Variants in THOP1 observed in about 807,000 individuals in gnomAD.
The protein encoded by THOP1 is thimet oligopeptidase 1.
Under a neutral mutation model 71.8 loss-of-function variants are expected in THOP1, and 49 were observed. The ratio of observed to expected loss-of-function variants is 0.68; its 90% confidence interval spans 0.54 to 0.87. The LOEUF is 0.87. THOP1 is among the 40% of genes least tolerant of loss of function. The pLI is 0.00. For missense variants in THOP1, 843 were observed against 975.6 expected (o/e 0.86, Z 1.81); for synonymous variants, 426 against 421.5 (o/e 1.01, Z -0.13).
In THOP1 at chr19:2,815,182, T is replaced by A. The variant is rs1409001112; in HGVS notation, c.*1906T>A. The A allele has an allele frequency of 6.6e-6, 1 of 152,214 alleles. No individual in the cohort carries two copies. Among genetic ancestry groups the A allele is most frequent in the Admixed American group, 6.5e-5 (1 of 15,274 alleles). The allele number at this position is 152,214 out of a possible 1,614,324, so 9.4% of individuals were successfully genotyped here. A position where few individuals can be genotyped will look rare whatever the true frequency, so the allele number is the denominator to read the frequency against. ...CCTCATCTTCCCCTGCCCCGAGCCC[T>A]CAGGTGGCCTCCACCTGGTCCCCAG... On this transcript the variant is annotated 3_prime_UTR_variant, in exon 13 of 13. Transcript: ENST00000307741.
chr19:2,811,551 C>T, intron 11 of THOP1, 47 bp from the exon 12 acceptor site: 1 of 1,578,950 alleles, frequency 6.3e-7, no homozygotes, highest in Non-Finnish European at 8.6e-7. Flanking sequence ...GGAGGAGGAG[C>T]ATGGGGTGGG....
At position 2,807,595 on chromosome 19, in the gene THOP1, C is replaced by T. The variant is rs147544038; in HGVS notation, c.1040C>T (p.Thr347Met). ...TACTACATGAACCAGGTGGAGGAGACGCGCTACTGCGTGGACCAGAACCTG... is the reference window on the plus strand; with the variant it reads ...TACTACATGAACCAGGTGGAGGAGATGCGCTACTGCGTGGACCAGAACCTG... ...MRYYMNQVEE[T>M]RYCVDQNLLK... The change falls in exon 8 of 13, where the codon ACG (threonine) becomes ATG (methionine). Residue 347 changes from threonine to methionine, a missense_variant. Thr to Met is a moderately conservative substitution (Grantham distance 81). Coordinates refer to ENST00000307741, the MANE Select transcript of THOP1 (RefSeq NM_003249.5). 6.8e-6 allele frequency: 11 copies of T among 1,612,510 alleles called. No individual in the cohort carries two copies. Among genetic ancestry groups the T allele is most frequent in the Middle Eastern group, 3.3e-4 (2 of 6,076 alleles).
chr19:2,795,372 TC>T (rs551971601), intron 3 of THOP1, among the ~76,000 whole-genome samples: 53 of 152,316 alleles, frequency 3.5e-4, no homozygotes, highest in African/African-American at 1.2e-3. Flanking sequence ...GGGCTCCTGC[TC>T]CCCCGGATGC....
Position 2,800,846 on chromosome 19 carries a change from G to T in THOP1, c.589+1055G>T, listed in dbSNP as rs1036072429. Among the ~76,000 whole-genome samples, 203 of 151,868 alleles carry T rather than the reference G, an allele frequency of 1.3e-3. 1 individual carries two copies. The highest frequency in any genetic ancestry group is 4.5e-3 in the African/African-American group (187 of 41,384). ...TTCCCGCAGCCACCCACGCCATCCCGCGGCCACCCGCACCGTCCCCGCGGC... is the reference window on the plus strand; with the variant it reads ...TTCCCGCAGCCACCCACGCCATCCCTCGGCCACCCGCACCGTCCCCGCGGC... On this transcript the variant is annotated intron_variant, in intron 5 of 12. Coordinates refer to ENST00000307741, the MANE Select transcript of THOP1 (RefSeq NM_003249.5).
intron 4 of THOP1, among the ~76,000 whole-genome samples, chr19:2,797,850 G>A (rs1386222532): frequency 6.6e-6 from 1 of 152,136 alleles, no homozygotes; most frequent in Non-Finnish European, 1.5e-5. Context: ...CGCTGTCCTG[G>A]TTAGGGGGCG....
Position 2,804,956 on chromosome 19 carries a change from C to A in THOP1, c.590-60C>A. The A allele has an allele frequency of 6.5e-7, 1 of 1,527,282 alleles. No individual in the cohort carries two copies. Among genetic ancestry groups the A allele is most frequent in the Non-Finnish European group, 8.8e-7 (1 of 1,130,794 alleles). The allele number at this position is 1,527,282 out of a possible 1,614,324, so 94.6% of individuals were successfully genotyped here. On this transcript the variant is annotated intron_variant, in intron 5 of 12. Coordinates refer to ENST00000307741, the MANE Select transcript of THOP1 (RefSeq NM_003249.5). This position sits in a 1 kb window ranked among gnomAD's most constrained non-coding sequence, Gnocchi z 4.7. ...GGAAGCCCACCCCTTCCCTCACACGCTGTGTGCAGGCTGTGGGCCCATCAG... is the reference window on the plus strand; with the variant it reads ...GGAAGCCCACCCCTTCCCTCACACGATGTGTGCAGGCTGTGGGCCCATCAG...
At chr19:2,789,653 T>C (rs1008290015) in intron 1 of THOP1, among the ~76,000 whole-genome samples, 1 of 152,176 alleles carries the variant, frequency 6.6e-6, no homozygotes, top group South Asian at 2.1e-4. Context: ...TGGCAGGAGT[T>C]GAGCAGTGCG....
At chr19:2,799,267 G>C (rs573257532) in intron 4 of THOP1, among the ~76,000 whole-genome samples, 4 of 152,238 alleles carry the variant, frequency 2.6e-5, no homozygotes, top group Non-Finnish European at 5.9e-5. Flanking sequence ...TGAGGCTGCA[G>C]TGAGTCGAGA....
chr19:2,797,081 A>G (rs986327740), intron 4 of THOP1, among the ~76,000 whole-genome samples: 13 of 152,138 alleles, frequency 8.5e-5, no homozygotes, highest in Admixed American at 8.5e-4. Context: ...TGGCTGGGTC[A>G]GGAGGTGTGC....
rs2144776198 is a variant in THOP1 at position 2,805,243 on chromosome 19, T to C, written c.750+67T>C. 2.0e-6 allele frequency: 3 copies of C among 1,517,504 alleles called. No individual in the cohort carries two copies. Among genetic ancestry groups the C allele is most frequent in the East Asian group, 2.3e-5 (1 of 42,930 alleles). The allele number at this position is 1,517,504 out of a possible 1,614,324, so 94.0% of individuals were successfully genotyped here. ...GAGCTTGTGGGGCCCGTCTGCTCCA[T>C]GTGTGTGAGGCACCTCCAGGCTTTG... is the stretch of plus-strand genomic sequence containing the variant. On this transcript the variant is annotated intron_variant, in intron 6 of 12. Transcript: ENST00000307741. The surrounding 1 kb of genome is among the most constrained non-coding windows in gnomAD (Gnocchi z 6.6).
intron 2 of THOP1, among the ~76,000 whole-genome samples, chr19:2,791,655 G>A (rs59303624): frequency 0.057 from 8,644 of 152,222 alleles, 790 homozygotes; most frequent in African/African-American, 0.2. Context: ...TGTCCCTCCC[G>A]TAGGAGTCTC....
intron 4 of THOP1, among the ~76,000 whole-genome samples, chr19:2,799,351 C>T (rs1916089257): frequency 6.6e-6 from 1 of 152,154 alleles, no homozygotes; most frequent in Admixed American, 6.5e-5. Context: ...GCTTAGGCTG[C>T]AGGCTCTGAA....
In THOP1 at chr19:2,804,955, G is replaced by A. The variant is rs559149844; in HGVS notation, c.590-61G>A. 8 of 1,524,072 alleles carry A rather than the reference G, an allele frequency of 5.2e-6. No individual in the cohort carries two copies. The highest frequency in any genetic ancestry group is 4.7e-5 in the East Asian group (2 of 42,118). 94.4% of individuals were successfully genotyped at this position (1,524,072 alleles called of 1,614,324 possible). A position where few individuals can be genotyped will look rare whatever the true frequency, so the allele number is the denominator to read the frequency against. On this transcript the variant is annotated intron_variant, in intron 5 of 12. Coordinates refer to ENST00000307741, the MANE Select transcript of THOP1 (RefSeq NM_003249.5). This position sits in a 1 kb window ranked among gnomAD's most constrained non-coding sequence, Gnocchi z 4.7. Reference sequence around the variant, plus strand: ...GGGAAGCCCACCCCTTCCCTCACACGCTGTGTGCAGGCTGTGGGCCCATCA... The same window carrying A: ...GGGAAGCCCACCCCTTCCCTCACACACTGTGTGCAGGCTGTGGGCCCATCA...
chr19:2,809,429 A>G (rs912019558), intron 9 of THOP1: 2 of 152,252 alleles, frequency 1.3e-5, no homozygotes, highest in African/African-American at 4.8e-5. Context: ...AGACTGAGAA[A>G]AGGACGCTTG....
At chr19:2,793,216 T>C (rs1915925482) in intron 2 of THOP1, among the ~76,000 whole-genome samples, 1 of 152,020 alleles carries the variant, frequency 6.6e-6, no homozygotes, top group African/African-American at 2.4e-5. Flanking sequence ...TTCAGTGGTT[T>C]TTAATAAATT....
intron 9 of THOP1, 50 bp from the exon 10 acceptor site, chr19:2,810,254 A>T (rs1423026134): frequency 6.3e-7 from 1 of 1,583,664 alleles, no homozygotes. Context: ...GCCGGCGGGA[A>T]CGGGCTAGGC....
intron 1 of THOP1, among the ~76,000 whole-genome samples, chr19:2,790,082 T>G (rs1023304773): frequency 3.9e-5 from 6 of 152,118 alleles, no homozygotes; most frequent in African/African-American, 1.4e-4. Flanking sequence ...AGCAGTATCA[T>G]CTCTATTCCG....
intron 5 of THOP1, among the ~76,000 whole-genome samples, chr19:2,800,191 A>G (rs1916113883): frequency 6.6e-6 from 1 of 152,044 alleles, no homozygotes; most frequent in Non-Finnish European, 1.5e-5. Flanking sequence ...TAATTAATTA[A>G]TTAATTTATT....
intron 4 of THOP1, 51 bp from the exon 5 acceptor site, chr19:2,799,638 C>A (rs367931827): frequency 2.7e-5 from 40 of 1,491,026 alleles, no homozygotes; most frequent in Admixed American, 1.2e-4. Flanking sequence ...CGTCTCCCCG[C>A]GGAGCCCGCC....
Sources: allele counts gnomAD v4.1 joint callset (sites outside exome capture counted in the v4.1 genomes callset), GRCh38; gene constraint gnomAD v4.1.1; non-coding constraint Gnocchi (gnomAD v3.1); transcripts MANE v1.5; gene names NCBI Gene and HGNC (gene_info 2026-07-23, HGNC 2026-07-21).